The following TMPRSS13 variants were observed in gnomAD, a reference collection of about 807,000 sequenced individuals.
TMPRSS13 encodes transmembrane serine protease 13, also known as transmembrane protease serine 13.
A neutral mutation model predicts 68.4 loss-of-function variants in TMPRSS13; 50 were observed. The ratio of observed to expected loss-of-function variants is 0.73; its 90% CI spans 0.58 to 0.93. The LOEUF is 0.93. TMPRSS13 is among the 40% of genes least tolerant of loss of function. TMPRSS13 has a pLI of 0.00. For missense variants in TMPRSS13, 615 were observed against 729.2 expected (o/e 0.84, Z 1.80); for synonymous variants, 267 against 285.8 (o/e 0.93, Z 0.66).
chr11:117,921,501 C>T (rs2057648344), intron 1 of TMPRSS13, among the ~76,000 whole-genome samples: 1 of 152,208 alleles, frequency 6.6e-6, no homozygotes, highest in African/African-American at 2.4e-5. Context: ...CCAGCCCCAG[C>T]TGCCCCATCT....
chr11:117,911,928 G>T, intron 5 of TMPRSS13, 68 bp from the exon 6 acceptor site: 1 of 1,329,678 alleles, frequency 7.5e-7, no homozygotes, highest in Non-Finnish European at 1.1e-6. Context: ...CCTCCAGCAG[G>T]CTAGAGCCCC....
At position 117,923,838 on chromosome 11, in the gene TMPRSS13, T is replaced by TTTAAA. The variant is rs56359328; in HGVS notation, c.22-5001_22-5000insTTTAA. Among the ~76,000 whole-genome samples the TTTAAA allele has an allele frequency of 5.0e-3, 644 of 128,138 alleles. 17 individuals are homozygous for TTTAAA. Among genetic ancestry groups the TTTAAA allele is most frequent in the Non-Finnish European group, 5.4e-3 (333 of 62,242 alleles). 84.1% of individuals were successfully genotyped at this position (128,138 alleles called of 152,430 possible). A position where few individuals can be genotyped will look rare whatever the true frequency, so the allele number is the denominator to read the frequency against. The stretch of plus-strand genomic sequence containing the variant: ...ACCCTAGAACTTAAAGTATAATAAT[T>TTTAAA]AAAAAAAAAAAAAAAAAAGCTCTCC... On this transcript the variant is annotated intron_variant, in intron 1 of 12. Transcript: ENST00000524993.
rs2057410959 is a variant in TMPRSS13 at position 117,901,572 on chromosome 11, A to G, written c.*667T>C. 1 of 152,208 alleles carries G rather than the reference A, an allele frequency of 6.6e-6. No homozygotes were observed. Among genetic ancestry groups the G allele is most frequent in the Non-Finnish European group, 1.5e-5 (1 of 68,064 alleles). The allele number at this position is 152,208 out of a possible 1,614,324, so 9.4% of individuals were successfully genotyped here. ...AAAATACCCGTATTTTCATTTCTTA[A>G]ATATAAAAATAAAATAAAATAAAAC... is the stretch of plus-strand genomic sequence containing the variant. On this transcript the variant is annotated 3_prime_UTR_variant, in exon 13 of 13. Transcript: ENST00000524993.
In TMPRSS13 at chr11:117,915,797, C is replaced by T. The variant is rs551903541; in HGVS notation, c.557-1283G>A. On this transcript the variant is annotated intron_variant, in intron 3 of 12. Transcript: ENST00000524993. This position sits in a 1 kb window ranked among gnomAD's most constrained non-coding sequence, Gnocchi z 4.9. ...GTGAGCCCACCCGTGGGTGCCATCT[C>T]GCCCCTCCATGGGTTAGTCCTGTGG... Among the ~76,000 whole-genome samples the T allele has an allele frequency of 2.6e-5, 4 of 152,322 alleles. No individual in the cohort carries two copies. The highest frequency in any genetic ancestry group is 1.9e-4 in the East Asian group (1 of 5,184).
At chr11:117,907,003 G>T (rs2057470062) in intron 9 of TMPRSS13, among the ~76,000 whole-genome samples, 1 of 152,142 alleles carries the variant, frequency 6.6e-6, no homozygotes, top group South Asian at 2.1e-4. Context: ...CTGCCCAAAA[G>T]CCTATTGGAG....
chr11:117,921,544 T>C (rs2134919651), intron 1 of TMPRSS13, among the ~76,000 whole-genome samples: 1 of 151,576 alleles, frequency 6.6e-6, no homozygotes, highest in South Asian at 2.1e-4. Context: ...GGTGGGCAGG[T>C]GGGGGGAGGG....
intron 1 of TMPRSS13, among the ~76,000 whole-genome samples, chr11:117,924,400 C>T (rs1443887582): frequency 2.0e-5 from 3 of 152,072 alleles, no homozygotes; most frequent in African/African-American, 7.2e-5. Flanking sequence ...GAGAAAGGAC[C>T]CTTCCCAGAC....
At chr11:117,929,210 T>A in intron 1 of TMPRSS13, 77 bp downstream of exon 1, 1 of 1,315,228 alleles carries the variant, frequency 7.6e-7, no homozygotes, top group Non-Finnish European at 1.0e-6. Flanking sequence ...GAGGTAGCTG[T>A]CCCACCTGTC....
intron 1 of TMPRSS13, among the ~76,000 whole-genome samples, chr11:117,925,123 G>A (rs73022489): frequency 0.07 from 10,675 of 152,286 alleles, 473 homozygotes; most frequent in East Asian, 0.2. Context: ...TTCAGTTTCC[G>A]TGGAGGTGCC....
At position 117,908,946 on chromosome 11, in the gene TMPRSS13, A is replaced by G. The variant is rs575692248; in HGVS notation, c.1110-162T>C. Among the ~76,000 whole-genome samples the G allele has an allele frequency of 2.7e-4, 41 of 152,294 alleles. No individual in the cohort carries two copies. The Middle Eastern group carries it at 0.01, about 38-fold the overall frequency. On this transcript the variant is annotated intron_variant, in intron 8 of 12. Transcript: ENST00000524993. ...CCCTCTATCTTATCCCTGGAGTCCA[A>G]AGCAATCCCCCACAGCCCCTCAAAA... is the stretch of plus-strand genomic sequence containing the variant.
rs1264678638 is a variant in TMPRSS13 at position 117,918,850 on chromosome 11, T to A, written c.22-12A>T. 1 of 1,612,306 alleles carries A rather than the reference T, an allele frequency of 6.2e-7. No individual in the cohort carries two copies. Among genetic ancestry groups the A allele is most frequent in the East Asian group, 2.2e-5 (1 of 44,880 alleles). On this transcript the variant is annotated splice_polypyrimidine_tract_variant and intron_variant, in intron 1 of 12. Transcript: ENST00000524993. ...GCTGGAGATGCATTCTGAAAGCAGA[T>A]CGAAGAGTATCCCACAGGCTGCTCC... is the stretch of plus-strand genomic sequence containing the variant.
chr11:117,910,421 T>C, intron 7 of TMPRSS13: 1 of 452,278 alleles, frequency 2.2e-6, no homozygotes, highest in Non-Finnish European at 4.0e-6. Context: ...CTATTGTTTC[T>C]AAACATAGGA....
chr11:117,916,321 G>A (rs2057577999), intron 3 of TMPRSS13, among the ~76,000 whole-genome samples: 1 of 152,164 alleles, frequency 6.6e-6, no homozygotes, highest in South Asian at 2.1e-4. Flanking sequence ...ATTTTCTGTG[G>A]CTGCTCATTC....
At chr11:117,908,495 T>C (rs2057485933) in intron 9 of TMPRSS13, 117 bp downstream of exon 9, 4 of 1,129,946 alleles carry the variant, frequency 3.5e-6, no homozygotes, top group Non-Finnish European at 3.9e-6. Context: ...GTCTTTGACT[T>C]CTGCCCTGCA....
At chr11:117,909,582 C>T (rs563172513) in intron 8 of TMPRSS13, among the ~76,000 whole-genome samples, 9 of 152,334 alleles carry the variant, frequency 5.9e-5, no homozygotes, top group South Asian at 4.1e-4. Context: ...CCCTTGGGGC[C>T]GTCAATGGGA....
intron 1 of TMPRSS13, among the ~76,000 whole-genome samples, chr11:117,919,294 T>C (rs1238149843): frequency 6.6e-6 from 1 of 152,246 alleles, no homozygotes; most frequent in Admixed American, 6.5e-5. Context: ...TGTATGTGTG[T>C]TAGATTATAA....
intron 5 of TMPRSS13, among the ~76,000 whole-genome samples, 178 bp downstream of exon 5, chr11:117,913,598 AC>A (rs201070052): frequency 0.055 from 8,439 of 152,070 alleles, 345 homozygotes; most frequent in East Asian, 0.12. Flanking sequence ...TCTGCTCCAG[AC>A]TCATAGGATC....
chr11:117,924,045 ATT>A (rs1221885771), intron 1 of TMPRSS13, among the ~76,000 whole-genome samples: 2 of 151,400 alleles, frequency 1.3e-5, no homozygotes, highest in East Asian at 3.9e-4. Context: ...AGTTGCAAAG[ATT>A]CTGAAAACCC....
Position 117,905,747 on chromosome 11 carries a change from A to G in TMPRSS13, c.1283-11T>C, listed in dbSNP as rs1416065490. 2.3e-5 allele frequency: 37 copies of G among 1,584,930 alleles called. No homozygotes were observed. The highest frequency in any genetic ancestry group is 3.2e-5 in the Non-Finnish European group (37 of 1,161,908). ...CAGGGTGGATGTGAGCTGCAACAAG[A>G]CCTCCAGACGTCAGTGAAGGAACAA... On this transcript the variant is annotated splice_polypyrimidine_tract_variant and intron_variant, in intron 9 of 12. Transcript: ENST00000524993.
Sources: allele counts gnomAD v4.1 joint callset (sites outside exome capture counted in the v4.1 genomes callset), GRCh38; gene constraint gnomAD v4.1.1; non-coding constraint Gnocchi (gnomAD v3.1); transcripts MANE v1.5; gene names NCBI Gene and HGNC (gene_info 2026-07-23, HGNC 2026-07-21).